Variants in ITGB1 observed in about 807,000 individuals in gnomAD.
ITGB1 encodes integrin subunit beta 1, also known as integrin beta-1.
ITGB1 carries 24 observed loss-of-function variants against 86.5 expected under a neutral mutation model. The observed-to-expected ratio is 0.28, with a 90% confidence interval of 0.20 to 0.39. The LOEUF (loss-of-function observed/expected upper bound fraction) is 0.39, where lower values mean the gene tolerates loss of function less well. Among genes scored for constraint, ITGB1 ranks in the 10% least tolerant of loss-of-function variants. The probability of loss-of-function intolerance (pLI) is 1.00; values close to 1 mark genes in which losing one functional copy is unlikely to be tolerated. For missense variants in ITGB1, 556 were observed against 946.9 expected (o/e 0.59, Z 5.42); for synonymous variants, 323 against 316.8 (o/e 1.02, Z -0.21).
At chr10:32,947,433 G>GTGTGTGTGTGTGTGTC in intron 1 of ITGB1, among the ~76,000 whole-genome samples, 1 of 830 alleles carries the variant, frequency 1.2e-3, no homozygotes, top group Non-Finnish European at 8.6e-3. Context: ...ACATATAGCC[G>GTGTGTGTGTGTGTGTC]TGTGTGTGTG....
intron 1 of ITGB1, 69 bp downstream of exon 1, chr10:32,958,076 G>A (rs1301597103): frequency 6.7e-6 from 1 of 149,530 alleles, no homozygotes; most frequent in Non-Finnish European, 1.5e-5. Context: ...GCGGCTTTAA[G>A]TGCTGCCGCG....
intron 11 of ITGB1, among the ~76,000 whole-genome samples, chr10:32,919,414 T>C (rs2504024): frequency 0.46 from 70,663 of 152,116 alleles, 18,844 homozygotes; most frequent in Non-Finnish European, 0.6. Context: ...TTACAACACA[T>C]ATTTATTTTT....
chr10:32,912,209 T>G, intron 11 of ITGB1, 85 bp from the exon 12 acceptor site: 6 of 1,031,128 alleles, frequency 5.8e-6, no homozygotes, highest in Middle Eastern at 2.1e-4. Context: ...ACAGCTCTAG[T>G]CTACAGCTCC....
chr10:32,904,079 G>A (rs1241898786), intron 15 of ITGB1, among the ~76,000 whole-genome samples: 1 of 150,866 alleles, frequency 6.6e-6, no homozygotes, highest in Non-Finnish European at 1.5e-5. Flanking sequence ...TTATATGGAA[G>A]AACTTACCTT....
chr10:32,935,888 A>G, intron 1 of ITGB1: 1 of 189,062 alleles, frequency 5.3e-6, no homozygotes, highest in South Asian at 1.2e-4. Context: ...AACACCATAA[A>G]ACCTACCAAT....
intron 15 of ITGB1, chr10:32,907,118 G>A (rs2094898744): frequency 7.4e-7 from 1 of 1,346,430 alleles, no homozygotes; most frequent in East Asian, 4.6e-5. Flanking sequence ...ATTATTAATA[G>A]GACTCTTGTA....
intron 1 of ITGB1, among the ~76,000 whole-genome samples, chr10:32,937,351 A>ATCGTC (rs1368437835): frequency 6.6e-6 from 1 of 152,054 alleles, no homozygotes; most frequent in Non-Finnish European, 1.5e-5. Flanking sequence ...AGGTCAGGAG[A>ATCGTC]TCGAGACCAT....
chr10:32,953,968 T>C (rs1189934262), intron 1 of ITGB1, among the ~76,000 whole-genome samples: 1 of 152,100 alleles, frequency 6.6e-6, no homozygotes, highest in African/African-American at 2.4e-5. Flanking sequence ...GGAAGGTAAA[T>C]GCTTTTCTAG....
intron 6 of ITGB1, among the ~76,000 whole-genome samples, chr10:32,925,057 T>G: frequency 6.6e-6 from 1 of 152,086 alleles, no homozygotes; most frequent in East Asian, 1.9e-4. Flanking sequence ...AAAAATTGAC[T>G]GAAAAATAAC....
At chr10:32,922,809 T>C in intron 7 of ITGB1, 74 bp from the exon 8 acceptor site, 3 of 797,162 alleles carry the variant, frequency 3.8e-6, no homozygotes, top group Non-Finnish European at 6.0e-6. Context: ...AATCTAGTTA[T>C]ACATGCAAGA....
chr10:32,947,437 G>GTGTGTC lies in ITGB1; in HGVS notation c.-1+10707_-1+10708insGACACA, dbSNP rs1230526160. ...CCAGGTGATTCACATATAGCCGTGT[G>GTGTGTC]TGTGTGTGTGTGTGTGTGTGTGTGT... is the stretch of plus-strand genomic sequence containing the variant. On this transcript the variant is annotated intron_variant, in intron 1 of 15. Transcript: ENST00000302278. Among the ~76,000 whole-genome samples, 4 of 148,688 alleles carry GTGTGTC rather than the reference G, an allele frequency of 2.7e-5. No homozygotes were observed. The Middle Eastern group carries it at 0.01, about 382-fold the overall frequency.
At chr10:32,948,789 C>G (rs1394862679) in intron 1 of ITGB1, among the ~76,000 whole-genome samples, 1 of 152,078 alleles carries the variant, frequency 6.6e-6, no homozygotes, top group Non-Finnish European at 1.5e-5. Flanking sequence ...CCCCAGAACC[C>G]TGACATAAAT....
At chr10:32,926,542 C>A (rs115544630) in intron 5 of ITGB1, among the ~76,000 whole-genome samples, 182 of 152,200 alleles carry the variant, frequency 1.2e-3, no homozygotes, top group African/African-American at 4.3e-3. Context: ...GCATCTCTCC[C>A]CAACTCTTGC....
At chr10:32,938,332 G>A (rs41299216) in intron 1 of ITGB1, among the ~76,000 whole-genome samples, 3,095 of 152,202 alleles carry the variant, frequency 0.02, 44 homozygotes, top group Non-Finnish European at 0.027. Context: ...CCACACAAAG[G>A]GAATGGAACA....
chr10:32,932,199 AAG>A (rs1174027654), intron 3 of ITGB1, among the ~76,000 whole-genome samples: 1 of 152,056 alleles, frequency 6.6e-6, no homozygotes, highest in Non-Finnish European at 1.5e-5. Context: ...AAAAAAGAAA[AAG>A]AGAAAATTTT....
intron 1 of ITGB1, among the ~76,000 whole-genome samples, chr10:32,947,377 T>C (rs2488336): frequency 0.46 from 68,500 of 150,414 alleles, 17,870 homozygotes; most frequent in Non-Finnish European, 0.58. Context: ...GCCCTCGAAT[T>C]ATGGCAAGAA....
At chr10:32,920,601 T>C (rs1307876582) in intron 9 of ITGB1, among the ~76,000 whole-genome samples, 2 of 152,178 alleles carry the variant, frequency 1.3e-5, no homozygotes, top group Admixed American at 6.5e-5. Flanking sequence ...GAAAAGAGTA[T>C]TCCTGTTTTA....
intron 15 of ITGB1, among the ~76,000 whole-genome samples, chr10:32,903,373 A>AAAT (rs2094887476): frequency 6.7e-6 from 1 of 148,580 alleles, no homozygotes; most frequent in Non-Finnish European, 1.5e-5. Flanking sequence ...AAAAAAAAAA[A>AAAT]GAGGAAAAAA....
Position 32,929,718 on chromosome 10 carries a change from AT to A in ITGB1, c.376+103del. On this transcript the variant is annotated intron_variant, in intron 4 of 15. Transcript: ENST00000302278. ...TCCACATTTTTGAGTGCCAGTCCAC[AT>A]GTAAAAACGAGCCTTCAACAGAAAC... 5 of 723,350 alleles carry A rather than the reference AT, an allele frequency of 6.9e-6. No individual in the cohort carries two copies. In the South Asian group the frequency reaches 8.5e-5, roughly 12 times the overall value. The allele number at this position is 723,350 out of a possible 1,614,324, so 44.8% of individuals were successfully genotyped here. A position where few individuals can be genotyped will look rare whatever the true frequency, so the allele number is the denominator to read the frequency against.
Sources: allele counts gnomAD v4.1 joint callset (sites outside exome capture counted in the v4.1 genomes callset), GRCh38; gene constraint gnomAD v4.1.1; transcripts MANE v1.5; gene names NCBI Gene and HGNC (gene_info 2026-07-23, HGNC 2026-07-21).